Variants in BAZ2B observed in about 807,000 individuals in gnomAD.
The protein encoded by BAZ2B is bromodomain adjacent to zinc finger domain protein 2B.
Under a neutral mutation model 246.0 loss-of-function variants are expected in BAZ2B, and 91 were observed. The observed-to-expected ratio is 0.37, with a 90% CI of 0.31 to 0.44. The LOEUF (loss-of-function observed/expected upper bound fraction) is 0.44. Among genes scored for constraint, BAZ2B ranks in the 20% least tolerant of loss-of-function variants. The pLI is 1.00. For synonymous variants in BAZ2B, 855 were observed against 860.0 expected, an observed-to-expected ratio of 0.99 and a Z score of 0.10; for missense variants, 2,332 against 2,533.7, an observed-to-expected ratio of 0.92 and a Z score of 1.71.
At chr2:159,675,517 G>A in the BAZ2B span, among the ~76,000 whole-genome samples, 1 of 152,092 alleles carries the variant, frequency 6.6e-6, no homozygotes, top group African/African-American at 2.4e-5. Context: ...TTATAGAATT[G>A]TGAAACCAAA....
the BAZ2B span, among the ~76,000 whole-genome samples, chr2:159,698,498 T>C: frequency 1.4e-5 from 2 of 138,162 alleles, no homozygotes; most frequent in Non-Finnish European, 3.0e-5. Context: ...AGCAAGACCG[T>C]GTCCCCCACC....
At chr2:159,497,148 T>C (rs1464690910) in intron 2 of BAZ2B, among the ~76,000 whole-genome samples, 1 of 152,198 alleles carries the variant, frequency 6.6e-6, no homozygotes, top group Non-Finnish European at 1.5e-5. Context: ...ATTTTTCTGA[T>C]AAACAGAAAT....
intron 4 of BAZ2B, among the ~76,000 whole-genome samples, chr2:159,448,721 C>T (rs889017844): frequency 6.6e-6 from 1 of 152,198 alleles, no homozygotes; most frequent in Non-Finnish European, 1.5e-5. Context: ...GTATTTCACT[C>T]TTTGATGACT....
At chr2:159,629,686 C>G in the BAZ2B span, among the ~76,000 whole-genome samples, 1 of 149,030 alleles carries the variant, frequency 6.7e-6, no homozygotes, top group African/African-American at 2.5e-5. Context: ...GGATAGGGGG[C>G]TAGGGGAGGG....
the BAZ2B span, among the ~76,000 whole-genome samples, chr2:159,672,137 T>C: frequency 3.9e-5 from 6 of 152,350 alleles, no homozygotes; most frequent in East Asian, 7.7e-4. Context: ...AACTTTTGTA[T>C]AAGACGTGAG....
the BAZ2B span, among the ~76,000 whole-genome samples, chr2:159,673,201 A>C: frequency 2.6e-5 from 4 of 152,208 alleles, no homozygotes; most frequent in African/African-American, 9.6e-5. Flanking sequence ...ATAGGCAAAA[A>C]AATTTAAACA....
intron 1 of BAZ2B, among the ~76,000 whole-genome samples, chr2:159,584,834 A>G (rs1269726896): frequency 6.6e-6 from 1 of 152,122 alleles, no homozygotes; most frequent in East Asian, 1.9e-4. Context: ...TACCCTTGGT[A>G]TTGTTGTTGC....
At chr2:159,410,082 C>T (rs2066581609) in intron 14 of BAZ2B, among the ~76,000 whole-genome samples, 1 of 152,030 alleles carries the variant, frequency 6.6e-6, no homozygotes, top group Non-Finnish European at 1.5e-5. Flanking sequence ...CATGAAGATC[C>T]CATGTTTTGA....
At chr2:159,414,250 T>C (rs1030021995) in intron 13 of BAZ2B, among the ~76,000 whole-genome samples, 1 of 151,994 alleles carries the variant, frequency 6.6e-6, no homozygotes, top group Non-Finnish European at 1.5e-5. Flanking sequence ...AGCAGAATGA[T>C]AGTTACCAGA....
chr2:159,621,827 CG>C, the BAZ2B span, among the ~76,000 whole-genome samples: 1 of 151,756 alleles, frequency 6.6e-6, no homozygotes, highest in Middle Eastern at 3.2e-3. Flanking sequence ...AGCTAGGTGC[CG>C]GGTATGGTAG....
the BAZ2B span, among the ~76,000 whole-genome samples, chr2:159,659,421 T>C: frequency 1.3e-5 from 2 of 152,356 alleles, no homozygotes; most frequent in Non-Finnish European, 1.5e-5. Context: ...ATGTGTAGTT[T>C]GCTAGTTAGC....
chr2:159,406,417 T>C (rs780346580), intron 14 of BAZ2B, among the ~76,000 whole-genome samples: 5 of 152,188 alleles, frequency 3.3e-5, no homozygotes, highest in African/African-American at 4.8e-5. Flanking sequence ...ATTAAGACAG[T>C]GTTGTGTGCT....
At chr2:159,660,785 A>C in the BAZ2B span, among the ~76,000 whole-genome samples, 2 of 152,146 alleles carry the variant, frequency 1.3e-5, no homozygotes, top group African/African-American at 2.4e-5. Context: ...TTTAGCAGAC[A>C]TGGGGTTTTA....
At position 159,337,663 on chromosome 2, in the gene BAZ2B, T is replaced by C. The variant is rs2065900160; in HGVS notation, c.5564A>G (p.Asp1855Gly). 5.0e-6 allele frequency: 8 copies of C among 1,614,244 alleles called. No individual in the cohort carries two copies. Among genetic ancestry groups the C allele is most frequent in the Non-Finnish European group, 5.1e-6 (6 of 1,180,038 alleles). ...TTCTAGTGCATGTGCACTGCTTTCG[T>C]CTTCGCCAGTAAATTCTCCATCATG... is the stretch of plus-strand genomic sequence containing the variant. Reference protein sequence around the residue: ...KEHDGEFTGEDESSAHALERK... With the variant: ...KEHDGEFTGEGESSAHALERK... Residue 1855 changes from aspartate (D) to glycine (G), a missense_variant, in exon 32 of 37, where the codon GAC becomes GGC. By Grantham distance (94) the Asp-to-Gly change is moderately conservative. Coordinates refer to ENST00000392783, the MANE Select transcript of BAZ2B (RefSeq NM_013450.4).
chr2:159,444,976 A>C (rs1057189870), intron 6 of BAZ2B: 14 of 152,254 alleles, frequency 9.2e-5, no homozygotes, highest in African/African-American at 3.4e-4. Flanking sequence ...TCCACTGATA[A>C]GAGTGTTCTA....
chr2:159,656,321 G>C, the BAZ2B span, among the ~76,000 whole-genome samples: 3 of 151,498 alleles, frequency 2.0e-5, no homozygotes. Context: ...CAACCAATGA[G>C]CCAATACTGA....
At chr2:159,561,867 G>A (rs1441668700) in intron 1 of BAZ2B, among the ~76,000 whole-genome samples, 2 of 152,108 alleles carry the variant, frequency 1.3e-5, no homozygotes, top group Non-Finnish European at 2.9e-5. Flanking sequence ...TTTATGTTTG[G>A]GGAAACAGGT....
chr2:159,478,848 A>G, intron 2 of BAZ2B, 127 bp from the exon 3 acceptor site: 2 of 642,218 alleles, frequency 3.1e-6, no homozygotes, highest in Non-Finnish European at 4.6e-6. Flanking sequence ...CTTTGGAAAG[A>G]GAAAATATGG....
chr2:159,399,286 T>C (rs1014313058), intron 17 of BAZ2B, among the ~76,000 whole-genome samples: 2 of 152,144 alleles, frequency 1.3e-5, no homozygotes, highest in African/African-American at 4.8e-5. Context: ...GAAAACAGAA[T>C]AGATTTTAAT....
Sources: gnomAD v4.1 joint callset for allele counts (sites outside exome capture counted in the v4.1 genomes callset) on GRCh38, gnomAD v4.1.1 for gene constraint, MANE v1.5 for transcripts, NCBI Gene and HGNC (gene_info 2026-07-23, HGNC 2026-07-21) for gene names.